RAB27B: variants seen among roughly 807,000 people sequenced by gnomAD.
RAB27B encodes ras-related protein Rab-27B.
A neutral mutation model predicts 24.6 loss-of-function variants in RAB27B; 15 were observed. The ratio of observed to expected loss-of-function variants is 0.61; its 90% CI spans 0.41 to 0.94. The LOEUF is 0.94. RAB27B is among the 40% of genes least tolerant of loss of function. The pLI is 0.00. For missense variants in RAB27B, 261 were observed against 266.8 expected (o/e 0.98, Z 0.15); for synonymous variants, 105 against 92.5 (o/e 1.14, Z -0.78).
intron 2 of RAB27B, among the ~76,000 whole-genome samples, chr18:54,730,124 A>G (rs1338342998): frequency 3.3e-5 from 5 of 152,196 alleles, no homozygotes; most frequent in Non-Finnish European, 4.4e-5. Flanking sequence ...CTAATTGTAC[A>G]TTGTGTTTGG....
At chr18:54,718,934 C>A (rs1909275524) in intron 2 of RAB27B, among the ~76,000 whole-genome samples, 1 of 152,054 alleles carries the variant, frequency 6.6e-6, no homozygotes, top group Non-Finnish European at 1.5e-5. Context: ...GTGGTTTTGA[C>A]CACAGTAATT....
At chr18:54,865,793 T>C (rs1912194859) in intron 1 of RAB27B, among the ~76,000 whole-genome samples, 1 of 152,222 alleles carries the variant, frequency 6.6e-6, no homozygotes, top group Non-Finnish European at 1.5e-5. Context: ...AAAATGAATA[T>C]GCAATAAACA....
intron 1 of RAB27B, among the ~76,000 whole-genome samples, chr18:54,841,678 A>C (rs950098798): frequency 2.0e-5 from 3 of 152,222 alleles, no homozygotes; most frequent in Non-Finnish European, 4.4e-5. Flanking sequence ...AGGTGGGCTT[A>C]TAAATAACTG....
intron 2 of RAB27B, among the ~76,000 whole-genome samples, chr18:54,755,160 C>G (rs1907961762): frequency 6.6e-6 from 1 of 152,138 alleles, no homozygotes; most frequent in Non-Finnish European, 1.5e-5. Flanking sequence ...GGGGCCCAGG[C>G]AGGCGGATCA....
In RAB27B at chr18:54,874,133, G is replaced by A. The variant is rs143521722; in HGVS notation, c.-19-3434G>A. ...GCCAATCAGGAAAACATGATAGGTC[G>A]TGTAGTTAGCAAGTGGTAATAGTCT... On this transcript the variant is annotated intron_variant, in intron 1 of 5. Coordinates refer to ENST00000262094, the MANE Select transcript of RAB27B (RefSeq NM_004163.4). Among the ~76,000 whole-genome samples the A allele has an allele frequency of 8.7e-4, 132 of 152,296 alleles. No homozygotes were observed. In the South Asian group the frequency reaches 0.017, roughly 20 times the overall value.
chr18:54,774,730 T>C lies in RAB27B; in HGVS notation c.-20+56589T>C, dbSNP rs1356040610. Among the ~76,000 whole-genome samples the C allele has an allele frequency of 2.0e-5, 3 of 152,262 alleles. No homozygotes were observed. The East Asian group carries it at 5.8e-4, about 29-fold the overall frequency. On this transcript the variant is annotated intron_variant, in intron 2 of 4. Coordinates refer to the RAB27B transcript ENST00000586570. ...CTATTCTGTAATAAAGAAACACTGT[T>C]CAACAATTGTTTAAGCCAGTAAAAT...
intron 2 of RAB27B, among the ~76,000 whole-genome samples, chr18:54,814,831 G>C (rs1910073075): frequency 6.6e-6 from 1 of 152,124 alleles, no homozygotes; most frequent in South Asian, 2.1e-4. Flanking sequence ...TTTTATTGTA[G>C]AATACTGAAT....
At position 54,769,617 on chromosome 18, in the gene RAB27B, G is replaced by C. The variant is rs191884525; in HGVS notation, c.-20+51476G>C. Among the ~76,000 whole-genome samples the C allele has an allele frequency of 5.7e-4, 86 of 151,938 alleles. 1 individual carries two copies. The highest frequency in any genetic ancestry group is 1.7e-3 in the African/African-American group (69 of 41,444). On this transcript the variant is annotated intron_variant, in intron 2 of 4. Coordinates refer to the RAB27B transcript ENST00000586570. ...GATATCTTTTTGTTTACACTATTAG[G>C]GTTTCCAGTTGTGGTTAAGAAGGAC...
chr18:54,855,907 A>G (rs1911766001), intron 1 of RAB27B, among the ~76,000 whole-genome samples: 1 of 152,200 alleles, frequency 6.6e-6, no homozygotes, highest in Admixed American at 6.5e-5. Flanking sequence ...AGTCATCTTT[A>G]TTATACAACC....
chr18:54,881,777 C>T (rs1171912535), intron 3 of RAB27B, among the ~76,000 whole-genome samples: 4 of 152,292 alleles, frequency 2.6e-5, no homozygotes, highest in Non-Finnish European at 5.9e-5. Flanking sequence ...ATGTCTGTTA[C>T]TGCTCTGGAA....
chr18:54,724,962 T>A (rs1157964883), intron 2 of RAB27B, among the ~76,000 whole-genome samples: 5 of 151,560 alleles, frequency 3.3e-5, no homozygotes, highest in Non-Finnish European at 7.4e-5. Flanking sequence ...GAAAGAGGAA[T>A]GAGACTTGTA....
At chr18:54,744,107 A>G (rs562204104) in intron 2 of RAB27B, among the ~76,000 whole-genome samples, 2 of 152,214 alleles carry the variant, frequency 1.3e-5, no homozygotes, top group African/African-American at 2.4e-5. Flanking sequence ...AATAAATGTT[A>G]TATGAAGAAG....
intron 2 of RAB27B, among the ~76,000 whole-genome samples, chr18:54,806,556 A>G (rs1339816302): frequency 6.8e-6 from 1 of 147,840 alleles, no homozygotes; most frequent in Non-Finnish European, 1.5e-5. Flanking sequence ...TATAAGCCAC[A>G]ATTATATATT....
rs982215066 is a variant in RAB27B at position 54,884,231 on chromosome 18, C to G, written c.240-102C>G. Reference sequence around the variant, plus strand: ...TTTCCCTAAGATATTCCATAAGGGCCAGTCACGGAGAATTCATACCTGAAA... The same window carrying G: ...TTTCCCTAAGATATTCCATAAGGGCGAGTCACGGAGAATTCATACCTGAAA... On this transcript the variant is annotated intron_variant, in intron 3 of 5. Coordinates refer to ENST00000262094, the MANE Select transcript of RAB27B (RefSeq NM_004163.4). 4.4e-6 allele frequency: 3 copies of G among 675,190 alleles called. No individual in the cohort carries two copies. The African/African-American group carries it at 5.4e-5, about 12-fold the overall frequency. The allele number at this position is 675,190 out of a possible 1,614,324, so 41.8% of individuals were successfully genotyped here. A position where few individuals can be genotyped will look rare whatever the true frequency, so the allele number is the denominator to read the frequency against.
rs114872776 is a variant in RAB27B at position 54,760,410 on chromosome 18, A to G, written c.-20+42269A>G. On this transcript the variant is annotated intron_variant, in intron 2 of 4. Transcript: ENST00000586570. ...GGGGAGGGAGGTGGGGATGTAGCTT[A>G]TAGACAACTTGAAATTTTATTCTGA... Among the ~76,000 whole-genome samples the G allele has an allele frequency of 1.2e-4, 19 of 152,342 alleles. No individual in the cohort carries two copies. In the South Asian group the frequency reaches 2.7e-3, roughly 22 times the overall value.
intron 2 of RAB27B, among the ~76,000 whole-genome samples, chr18:54,728,587 G>A (rs1243015014): frequency 6.6e-6 from 1 of 151,942 alleles, no homozygotes; most frequent in South Asian, 2.1e-4. Context: ...GTTAAAAGGG[G>A]GAACCAGCTG....
Position 54,889,602 on chromosome 18 carries a change from C to T in RAB27B, c.*189C>T, listed in dbSNP as rs1913286742. The stretch of plus-strand genomic sequence containing the variant: ...AAGAATTGACTAGTTATCCCTGAGG[C>T]CCTTTCAAACATGATCAAAGATTTC... On this transcript the variant is annotated 3_prime_UTR_variant, in exon 6 of 6. Coordinates refer to ENST00000262094, the MANE Select transcript of RAB27B (RefSeq NM_004163.4). The T allele has an allele frequency of 2.0e-6, 1 of 508,032 alleles. No individual in the cohort carries two copies. The highest frequency in any genetic ancestry group is 3.7e-5 in the Admixed American group (1 of 26,812). The allele number at this position is 508,032 out of a possible 1,614,324, so 31.5% of individuals were successfully genotyped here. A position where few individuals can be genotyped will look rare whatever the true frequency, so the allele number is the denominator to read the frequency against.
At position 54,739,470 on chromosome 18, in the gene RAB27B, AAAAG is replaced by A. The variant is rs1268631083; in HGVS notation, c.-20+21341_-20+21344del. ...AAACTCCATCTCAAAAAAAAAAAAA[AAAAG>A]AAAGAAAGAAATACTACCTTTTTAA... On this transcript the variant is annotated intron_variant, in intron 2 of 4. Transcript: ENST00000586570. 2.6e-3 allele frequency among the ~76,000 whole-genome samples: 398 copies of A among 150,644 alleles called. 2 individuals are homozygous for A. Among genetic ancestry groups the A allele is most frequent in the African/African-American group, 9.1e-3 (375 of 41,126 alleles).
rs759459653 is a variant in RAB27B at position 54,889,394 on chromosome 18, A to T, written c.638A>T (p.Glu213Val). The change falls in exon 6 of 6, where the codon GAG becomes GTG. Residue 213 changes from glutamate (E) to valine (V), a missense_variant. Physicochemically the swap from Glu to Val is moderately radical, Grantham distance 121 (BLOSUM62 -2). Transcript: ENST00000262094. ...AACTTGGATGGGGAAAAGCCACCAG[A>T]GAAGAAATGTATCTGCTAGACTCTA... Reference protein sequence around the residue: ...SGNLDGEKPPEKKCIC With the variant: ...SGNLDGEKPPVKKCIC The T allele has an allele frequency of 1.2e-6, 2 of 1,612,768 alleles. No homozygotes were observed. The highest frequency in any genetic ancestry group is 2.2e-5 in the South Asian group (2 of 90,912).
Sources: allele counts gnomAD v4.1 joint callset (sites outside exome capture counted in the v4.1 genomes callset), GRCh38; gene constraint gnomAD v4.1.1; transcripts MANE v1.5; gene names NCBI Gene and HGNC (gene_info 2026-07-23, HGNC 2026-07-21).